The following ASPH variants were observed in gnomAD, a reference collection of about 807,000 sequenced individuals.
ASPH encodes the protein aspartate beta-hydroxylase, also known as aspartyl/asparaginyl beta-hydroxylase.
ASPH carries 100 observed loss-of-function variants against 118.4 expected under a neutral mutation model. That is an observed-to-expected ratio of 0.84 (90% CI 0.72 to 1.00). The LOEUF is 1.00. Ranked by LOEUF, ASPH falls within the 50% of genes least tolerant of loss-of-function variation. ASPH has a pLI of 0.00. For missense variants in ASPH, 920 were observed against 919.5 expected (o/e 1.00, Z -0.01); for synonymous variants, 315 against 325.6 (o/e 0.97, Z 0.35).
At chr8:61,576,742 A>G (rs2132128329) in intron 16 of ASPH, 30 bp downstream of exon 16, 1 of 1,568,048 alleles carries the variant, frequency 6.4e-7, no homozygotes, top group Admixed American at 1.8e-5. Flanking sequence ...ACATCAAAAA[A>G]GTGTCCTAAG....
intron 14 of ASPH, among the ~76,000 whole-genome samples, chr8:61,611,722 A>G (rs1321791254): frequency 1.3e-5 from 2 of 152,224 alleles, no homozygotes; most frequent in Non-Finnish European, 2.9e-5. Flanking sequence ...TATGAATTCT[A>G]CTCAAATCTT....
intron 1 of ASPH, among the ~76,000 whole-genome samples, chr8:61,685,180 A>C (rs1829966677): frequency 6.6e-6 from 1 of 152,002 alleles, no homozygotes; most frequent in Non-Finnish European, 1.5e-5. Context: ...TATGCAGGAC[A>C]ATGTTTCATC....
intron 15 of ASPH, chr8:61,578,656 AC>A: frequency 6.3e-7 from 1 of 1,593,756 alleles, no homozygotes; most frequent in South Asian, 1.1e-5. Flanking sequence ...TACATCAACA[AC>A]CTTAGGCGGC....
chr8:61,552,216 C>T lies in ASPH; in HGVS notation c.1626+815G>A, dbSNP rs571273542. Among the ~76,000 whole-genome samples, 87 of 152,248 alleles carry T rather than the reference C, an allele frequency of 5.7e-4. 1 individual carries two copies. The Middle Eastern group carries it at 0.027, about 48-fold the overall frequency. ...ACTCTAAGGAGAGCCCAGCTCTCAC[C>T]CCTGCAATAAAGCAGGACAGGAAAG... On this transcript the variant is annotated intron_variant, in intron 20 of 24. Transcript: ENST00000379454.
chr8:61,694,512 A>G (rs1429955980), intron 1 of ASPH, among the ~76,000 whole-genome samples: 1 of 152,132 alleles, frequency 6.6e-6, no homozygotes, highest in Admixed American at 6.5e-5. Context: ...AACCCAACGC[A>G]AAACTTTCAG....
At chr8:61,512,439 A>C (rs1809256019) in intron 24 of ASPH, among the ~76,000 whole-genome samples, 1 of 152,232 alleles carries the variant, frequency 6.6e-6, no homozygotes, top group Admixed American at 6.5e-5. Flanking sequence ...TATAAACCAA[A>C]GAACACCAAG....
intron 10 of ASPH, among the ~76,000 whole-genome samples, chr8:61,639,859 A>G (rs1390865158): frequency 2.0e-5 from 3 of 152,162 alleles, no homozygotes; most frequent in African/African-American, 7.2e-5. Flanking sequence ...TTAGGAAAAG[A>G]GCACCCCCTG....
chr8:61,506,835 A>G (rs1346713467), intron 24 of ASPH, among the ~76,000 whole-genome samples: 2 of 152,204 alleles, frequency 1.3e-5, no homozygotes, highest in African/African-American at 2.4e-5. Context: ...ATCACTCTTT[A>G]TGATGTTGTC....
intron 18 of ASPH, among the ~76,000 whole-genome samples, chr8:61,558,296 G>A (rs1828604528): frequency 1.3e-5 from 2 of 152,216 alleles, no homozygotes; most frequent in African/African-American, 4.8e-5. Context: ...AAAAGGAAGT[G>A]TGGGATGATG....
intron 2 of ASPH, among the ~76,000 whole-genome samples, chr8:61,683,363 A>G (rs1451867080): frequency 6.6e-6 from 1 of 152,102 alleles, no homozygotes; most frequent in Non-Finnish European, 1.5e-5. Context: ...GTGAAGGAGA[A>G]TGTGACTCCA....
Position 61,643,373 on chromosome 8 carries a change from G to T in ASPH, c.757+13C>A. On this transcript the variant is annotated intron_variant, in intron 9 of 24. Coordinates refer to ENST00000379454, the MANE Select transcript of ASPH (RefSeq NM_004318.4). ...GTAATATTTTAAATCTAATGAAAAT[G>T]CTCATCTAATACCTGTATCATGGTG... is the stretch of plus-strand genomic sequence containing the variant. The T allele has an allele frequency of 6.3e-7, 1 of 1,596,938 alleles. No homozygotes were observed. Among genetic ancestry groups the T allele is most frequent in the Non-Finnish European group, 8.5e-7 (1 of 1,174,130 alleles).
intron 19 of ASPH, among the ~76,000 whole-genome samples, chr8:61,555,296 T>G (rs1827474344): frequency 1.3e-5 from 2 of 152,038 alleles, no homozygotes; most frequent in African/African-American, 2.4e-5. Flanking sequence ...ATTTATTAAT[T>G]TTTTGAGACA....
intron 3 of ASPH, among the ~76,000 whole-genome samples, chr8:61,662,314 G>A (rs1317869266): frequency 6.6e-6 from 1 of 152,072 alleles, no homozygotes; most frequent in African/African-American, 2.4e-5. Flanking sequence ...ATGTTGTTAG[G>A]GGTATGGCAA....
At chr8:61,538,926 C>G (rs1176130440) in intron 21 of ASPH, among the ~76,000 whole-genome samples, 2 of 152,316 alleles carry the variant, frequency 1.3e-5, no homozygotes, top group East Asian at 3.9e-4. Context: ...CAGAGTTAGA[C>G]AGCAGGAGAA....
chr8:61,674,209 T>C lies in ASPH; in HGVS notation c.322+6759A>G, dbSNP rs369141306. On this transcript the variant is annotated intron_variant, in intron 3 of 24. Transcript: ENST00000379454. The stretch of plus-strand genomic sequence containing the variant: ...CGGAAATTAGGCTGGGTGAATTTCA[T>C]TGAGTGGGGCTGAAGATTCCTTTAG... 1.8e-4 allele frequency among the ~76,000 whole-genome samples: 27 copies of C among 152,316 alleles called. No homozygotes were observed. The East Asian group carries it at 3.9e-3, about 22-fold the overall frequency.
intron 24 of ASPH, among the ~76,000 whole-genome samples, chr8:61,510,278 C>A (rs548421071): frequency 6.6e-6 from 1 of 152,172 alleles, no homozygotes; most frequent in Non-Finnish European, 1.5e-5. Flanking sequence ...TAGAGTTACT[C>A]TTTACAAGAG....
chr8:61,608,106 T>C (rs1846144240), intron 14 of ASPH, among the ~76,000 whole-genome samples: 1 of 152,196 alleles, frequency 6.6e-6, no homozygotes. Context: ...CTTGCTGGCA[T>C]CAATGCAGTA....
intron 14 of ASPH, among the ~76,000 whole-genome samples, chr8:61,608,812 C>T (rs1482665265): frequency 6.6e-6 from 1 of 152,148 alleles, no homozygotes; most frequent in Non-Finnish European, 1.5e-5. Flanking sequence ...AACTCTCCCC[C>T]ATGTGATTCT....
chr8:61,655,468 AC>A lies in ASPH; in HGVS notation c.323-1809del, dbSNP rs145457341. 3.5e-3 allele frequency among the ~76,000 whole-genome samples: 529 copies of A among 152,222 alleles called. 2 individuals carry two copies. The highest frequency in any genetic ancestry group is 0.02 in the Middle Eastern group (6 of 294). ...AAAATTACAGGGTCATCCTTCACTG[AC>A]CCCACTTTAGCAGGCTCTCAAACTG... is the stretch of plus-strand genomic sequence containing the variant. On this transcript the variant is annotated intron_variant, in intron 3 of 24. Coordinates refer to ENST00000379454, the MANE Select transcript of ASPH (RefSeq NM_004318.4).
Sources: gnomAD v4.1 joint callset for allele counts (sites outside exome capture counted in the v4.1 genomes callset) on GRCh38, gnomAD v4.1.1 for gene constraint, MANE v1.5 for transcripts, NCBI Gene and HGNC (gene_info 2026-07-23, HGNC 2026-07-21) for gene names.